The following EDIL3 variants were observed in gnomAD, a reference collection of about 807,000 sequenced individuals.
EDIL3 encodes the protein EGF-like repeat and discoidin I-like domain-containing protein 3.
Under a neutral mutation model 67.4 loss-of-function variants are expected in EDIL3, and 37 were observed. The observed-to-expected ratio is 0.55, with a 90% confidence interval of 0.42 to 0.72. The LOEUF is 0.72. Ranked by LOEUF, EDIL3 falls within the 30% of genes least tolerant of loss-of-function variation. The probability of loss-of-function intolerance (pLI) is 0.00; values close to 1 mark genes in which losing one functional copy is unlikely to be tolerated. For synonymous variants in EDIL3, 195 were observed against 196.3 expected (o/e 0.99, Z 0.05); for missense variants, 527 against 586.3 (o/e 0.90, Z 1.04).
chr5:84,148,046 A>G (rs1748319477), intron 4 of EDIL3, among the ~76,000 whole-genome samples: 1 of 152,134 alleles, frequency 6.6e-6, no homozygotes, highest in Admixed American at 6.6e-5. Context: ...TTCTAAAGCT[A>G]TTGTAAGGAT....
At chr5:84,137,447 G>T in intron 4 of EDIL3, 93 bp from the exon 5 acceptor site, 1 of 1,095,798 alleles carries the variant, frequency 9.1e-7, no homozygotes, top group African/African-American at 1.6e-5. Context: ...AAATGTCTTA[G>T]TAATGCTATT....
chr5:84,341,743 G>A (rs1459660915), intron 1 of EDIL3, among the ~76,000 whole-genome samples: 1 of 151,920 alleles, frequency 6.6e-6, no homozygotes, highest in African/African-American at 2.4e-5. Flanking sequence ...AACTCATAGT[G>A]GAGGAGTTTT....
chr5:84,270,428 A>G (rs1442628960), intron 1 of EDIL3, among the ~76,000 whole-genome samples: 2 of 152,332 alleles, frequency 1.3e-5, no homozygotes, highest in East Asian at 1.9e-4. Flanking sequence ...TCATAAGCCT[A>G]AGGATATATA....
chr5:84,043,058 G>A (rs566435617), intron 9 of EDIL3, among the ~76,000 whole-genome samples: 5 of 152,296 alleles, frequency 3.3e-5, no homozygotes, highest in East Asian at 1.9e-4. Context: ...AAGTAGTAGC[G>A]ATGATCCTCT....
chr5:84,063,391 C>T (rs923325639), intron 8 of EDIL3, among the ~76,000 whole-genome samples: 4 of 152,124 alleles, frequency 2.6e-5, no homozygotes, highest in South Asian at 2.1e-4. Context: ...AGTAAACAAA[C>T]TGGATTAAAT....
intron 9 of EDIL3, among the ~76,000 whole-genome samples, chr5:84,014,939 G>A (rs1405183964): frequency 6.6e-6 from 1 of 152,156 alleles, no homozygotes; most frequent in Admixed American, 6.6e-5. Flanking sequence ...AATCATATTA[G>A]CACATAGAAA....
rs369897638 is a variant in EDIL3, at chr5:84,001,054, T to C, written c.1138-37694A>G. Among the ~76,000 whole-genome samples the C allele has an allele frequency of 2.0e-5, 3 of 151,970 alleles. No individual in the cohort carries two copies. In the East Asian group the frequency reaches 5.8e-4, roughly 29 times the overall value. ...AGCAGAAAAACCACATTTTTATTTT[T>C]ATTTATTTATTTTTGAGACAGAATC... On this transcript the variant is annotated intron_variant, in intron 9 of 10. Coordinates refer to ENST00000296591, the MANE Select transcript of EDIL3 (RefSeq NM_005711.5).
intron 6 of EDIL3, among the ~76,000 whole-genome samples, chr5:84,096,147 CG>C (rs534613163): frequency 2.0e-5 from 3 of 152,214 alleles, no homozygotes; most frequent in South Asian, 2.1e-4. Context: ...AGAAGGGAAA[CG>C]GGGGGTAAGA....
intron 2 of EDIL3, among the ~76,000 whole-genome samples, chr5:84,242,125 G>C (rs1383264443): frequency 6.6e-6 from 1 of 151,320 alleles, no homozygotes; most frequent in East Asian, 1.9e-4. Context: ...CCAGCTACTC[G>C]GGAGGCTGAG....
rs549784739 is a variant in EDIL3 at position 84,125,152 on chromosome 5, C to T, written c.469+12089G>A. Among the ~76,000 whole-genome samples the T allele has an allele frequency of 6.6e-5, 10 of 152,098 alleles. No homozygotes were observed. The South Asian group carries it at 2.1e-3, about 32-fold the overall frequency. ...GAAACCCGAGTAGTATGTAAACCTTCATCGTAATGTGGTTAACATACAAAC... is the reference window on the plus strand; with the variant it reads ...GAAACCCGAGTAGTATGTAAACCTTTATCGTAATGTGGTTAACATACAAAC... On this transcript the variant is annotated intron_variant, in intron 5 of 10. Coordinates refer to ENST00000296591, the MANE Select transcript of EDIL3 (RefSeq NM_005711.5).
At chr5:84,184,125 A>C (rs1465668149) in intron 3 of EDIL3, among the ~76,000 whole-genome samples, 1 of 152,106 alleles carries the variant, frequency 6.6e-6, no homozygotes, top group Non-Finnish European at 1.5e-5. Flanking sequence ...CAACAACAAA[A>C]CAACAACAAC....
intron 9 of EDIL3, among the ~76,000 whole-genome samples, chr5:84,038,151 T>C (rs777880196): frequency 5.3e-5 from 8 of 151,996 alleles, no homozygotes; most frequent in Non-Finnish European, 4.4e-5. Context: ...CACAGGTGTG[T>C]GCCAGCATGC....
chr5:84,036,581 G>A (rs1310857186), intron 9 of EDIL3, among the ~76,000 whole-genome samples: 2 of 152,060 alleles, frequency 1.3e-5, no homozygotes, highest in Non-Finnish European at 2.9e-5. Context: ...GTACCTTGTC[G>A]CCTCTGCCAA....
chr5:84,320,818 C>T (rs1033560291), intron 1 of EDIL3, among the ~76,000 whole-genome samples: 1 of 152,030 alleles, frequency 6.6e-6, no homozygotes, highest in Admixed American at 6.5e-5. Flanking sequence ...CCCAGGGATG[C>T]TAAAAGGAAG....
At chr5:84,215,387 G>A (rs1216137110) in intron 3 of EDIL3, among the ~76,000 whole-genome samples, 1 of 152,052 alleles carries the variant, frequency 6.6e-6, no homozygotes, top group African/African-American at 2.4e-5. Context: ...CCGAGTAGCT[G>A]GGACTACAGG....
chr5:84,073,742 G>C (rs368118337), intron 6 of EDIL3, among the ~76,000 whole-genome samples: 32 of 152,082 alleles, frequency 2.1e-4, no homozygotes, highest in Non-Finnish European at 4.3e-4. Context: ...TGGGTAGGAA[G>C]AATCAATATC....
In EDIL3 at chr5:84,182,740, C is replaced by T. The variant is rs796641340; in HGVS notation, c.227-2219G>A. On this transcript the variant is annotated intron_variant, in intron 3 of 10. Coordinates refer to ENST00000296591, the MANE Select transcript of EDIL3 (RefSeq NM_005711.5). ...AACAGGAAACAATGTGGCAACTGTA[C>T]AGTTCCCGGACCTTGACTTCCCGAT... 2.6e-5 allele frequency among the ~76,000 whole-genome samples: 4 copies of T among 151,882 alleles called. No homozygotes were observed. In the South Asian group the frequency reaches 8.3e-4, roughly 31 times the overall value.
intron 9 of EDIL3, among the ~76,000 whole-genome samples, chr5:84,042,306 G>A (rs770344922): frequency 2.0e-5 from 3 of 149,482 alleles, no homozygotes; most frequent in Admixed American, 6.7e-5. Flanking sequence ...TTTTTGAGAC[G>A]GAGTCTTATT....
chr5:84,248,852 G>A (rs1309252915), intron 2 of EDIL3, among the ~76,000 whole-genome samples: 3 of 152,114 alleles, frequency 2.0e-5, no homozygotes, highest in Non-Finnish European at 2.9e-5. Context: ...TCTTCATCCC[G>A]TTAGTTACCA....
Sources: gnomAD v4.1 joint callset for allele counts (sites outside exome capture counted in the v4.1 genomes callset) on GRCh38, gnomAD v4.1.1 for gene constraint, MANE v1.5 for transcripts, NCBI Gene and HGNC (gene_info 2026-07-23, HGNC 2026-07-21) for gene names.